The following RERE variants were observed in gnomAD, a reference collection of about 807,000 sequenced individuals.
RERE encodes the protein arginine-glutamic acid dipeptide repeats.
A neutral mutation model predicts 146.1 loss-of-function variants in RERE; 40 were observed. That is an observed-to-expected ratio of 0.27 (90% CI 0.21 to 0.36). The LOEUF (loss-of-function observed/expected upper bound fraction) is 0.36, where lower values mean the gene tolerates loss of function less well. RERE is among the 10% of genes least tolerant of loss of function. RERE has a pLI of 1.00. For missense variants in RERE, 1,933 were observed against 2,138.7 expected (o/e 0.90, Z 1.90); for synonymous variants, 1,003 against 866.0 (o/e 1.16, Z -2.78).
At chr1:8,390,375 G>A (rs933302199) in intron 12 of RERE, among the ~76,000 whole-genome samples, 1 of 152,318 alleles carries the variant, frequency 6.6e-6, no homozygotes, top group African/African-American at 2.4e-5. Flanking sequence ...ATGGTTCAGC[G>A]CCCTGGTAGT....
At position 8,747,449 on chromosome 1, in the gene RERE, A is replaced by C. The variant is rs552893918; in HGVS notation, c.-145+69711T>G. ...CCAGGCCAGAGGTGATGAAGGCTCA[A>C]AGAAAGTTTTGTCCAATTTTTTTTT... On this transcript the variant is annotated intron_variant, in intron 1 of 22. Transcript: ENST00000400908. Among the ~76,000 whole-genome samples the C allele has an allele frequency of 1.1e-3, 162 of 152,270 alleles. 1 individual carries two copies. Among genetic ancestry groups the C allele is most frequent in the African/African-American group, 1.8e-3 (73 of 41,556 alleles).
chr1:8,521,378 A>C (rs1368613463), intron 7 of RERE, among the ~76,000 whole-genome samples: 1 of 152,182 alleles, frequency 6.6e-6, no homozygotes, highest in Non-Finnish European at 1.5e-5. Context: ...ACAGTGGCTC[A>C]TGCCTATAAT....
intron 1 of RERE, among the ~76,000 whole-genome samples, chr1:8,776,658 G>A (rs1230739660): frequency 6.6e-6 from 1 of 152,040 alleles, no homozygotes; most frequent in Non-Finnish European, 1.5e-5. Context: ...TTGTAACTAA[G>A]TTTTCCTCTT....
intron 1 of RERE, among the ~76,000 whole-genome samples, chr1:8,730,609 T>C (rs1201540936): frequency 3.3e-5 from 5 of 152,144 alleles, no homozygotes; most frequent in African/African-American, 9.7e-5. Context: ...TCCCAAAGTG[T>C]TGGGATTACA....
intron 4 of RERE, among the ~76,000 whole-genome samples, chr1:8,596,347 T>C (rs1284617847): frequency 1.3e-5 from 2 of 152,216 alleles, no homozygotes; most frequent in Non-Finnish European, 2.9e-5. Context: ...TCTTAATTCA[T>C]GAGACATAAG....
intron 4 of RERE, among the ~76,000 whole-genome samples, chr1:8,592,173 T>C (rs1400353590): frequency 1.3e-5 from 2 of 152,192 alleles, no homozygotes; most frequent in African/African-American, 4.8e-5. Context: ...TTTAGCAACT[T>C]GTCTTTAAAA....
intron 1 of RERE, among the ~76,000 whole-genome samples, chr1:8,725,862 C>T (rs969726634): frequency 2.6e-5 from 4 of 151,954 alleles, no homozygotes; most frequent in Non-Finnish European, 5.9e-5. Flanking sequence ...TTAATGCAAA[C>T]GTTCTGAAAG....
Position 8,712,775 on chromosome 1 carries a change from A to AT in RERE, c.-144-56335dup, listed in dbSNP as rs766726276. ...CAAGGGCTTTAGAAAAATTCAATGGATTTTTTTTTTTAATGAAAAACAAAA... is the reference window on the plus strand; with the variant it reads ...CAAGGGCTTTAGAAAAATTCAATGGATTTTTTTTTTTTAATGAAAAACAAAA... On this transcript the variant is annotated intron_variant, in intron 1 of 22. Coordinates refer to ENST00000400908, the MANE Select transcript of RERE (RefSeq NM_001042681.2). 9.9e-4 allele frequency among the ~76,000 whole-genome samples: 147 copies of AT among 147,766 alleles called. 1 individual carries two copies. The highest frequency in any genetic ancestry group is 2.1e-3 in the South Asian group (10 of 4,682).
intron 1 of RERE, among the ~76,000 whole-genome samples, chr1:8,779,953 G>T (rs1335906422): frequency 6.6e-6 from 1 of 152,142 alleles, no homozygotes. Flanking sequence ...CGCTTTGGGA[G>T]GTCGAGGCGG....
At chr1:8,705,913 G>A (rs372300662) in intron 1 of RERE, among the ~76,000 whole-genome samples, 1 of 152,022 alleles carries the variant, frequency 6.6e-6, no homozygotes, top group East Asian at 1.9e-4. Context: ...TCAGGAGATC[G>A]AGACCATCCT....
chr1:8,600,047 G>A (rs375223792), intron 4 of RERE, among the ~76,000 whole-genome samples: 4 of 152,236 alleles, frequency 2.6e-5, no homozygotes, highest in South Asian at 2.1e-4. Flanking sequence ...TCACGGCGGC[G>A]GTTTCCCTCA....
At chr1:8,662,712 A>T (rs966737877) in intron 1 of RERE, among the ~76,000 whole-genome samples, 2 of 152,034 alleles carry the variant, frequency 1.3e-5, no homozygotes, top group African/African-American at 4.8e-5. Context: ...AAAACAAAAA[A>T]AGAAAACCAC....
intron 1 of RERE, among the ~76,000 whole-genome samples, chr1:8,662,183 G>A (rs1182076800): frequency 6.6e-6 from 1 of 152,182 alleles, no homozygotes; most frequent in Non-Finnish European, 1.5e-5. Flanking sequence ...TAATCTAGGG[G>A]AAAGAATCAA....
chr1:8,674,457 A>C (rs1341084119), intron 1 of RERE, among the ~76,000 whole-genome samples: 2 of 152,230 alleles, frequency 1.3e-5, no homozygotes, highest in Non-Finnish European at 2.9e-5. Context: ...TAACTGTGAT[A>C]ACACCAAGCA....
At chr1:8,455,820 C>A (rs960078507) in intron 11 of RERE, among the ~76,000 whole-genome samples, 4 of 152,190 alleles carry the variant, frequency 2.6e-5, no homozygotes, top group African/African-American at 9.7e-5. Context: ...CCTAAATGAA[C>A]TTGTCAAACC....
intron 1 of RERE, among the ~76,000 whole-genome samples, chr1:8,751,989 G>T (rs538755146): frequency 6.7e-6 from 1 of 150,168 alleles, no homozygotes; most frequent in African/African-American, 2.4e-5. Context: ...TATAATAATA[G>T]TTAAAACTTA....
intron 8 of RERE, among the ~76,000 whole-genome samples, chr1:8,501,874 C>A (rs1168575919): frequency 1.6e-5 from 2 of 121,786 alleles, no homozygotes; most frequent in Non-Finnish European, 3.5e-5. Flanking sequence ...CCGCCCCGTC[C>A]GGGAGGCAGG....
chr1:8,600,809 C>T (rs1322885124), intron 4 of RERE, among the ~76,000 whole-genome samples: 6 of 140,216 alleles, frequency 4.3e-5, no homozygotes, highest in Admixed American at 1.5e-4. Context: ...GGCTGGAGTG[C>T]AGTGGTGCAA....
At chr1:8,382,855 T>C (rs1642504872) in intron 12 of RERE, among the ~76,000 whole-genome samples, 1 of 151,944 alleles carries the variant, frequency 6.6e-6, no homozygotes, top group South Asian at 2.1e-4. Flanking sequence ...GCTCCCTCCT[T>C]TATAGGGTTG....
Sources: gnomAD v4.1 joint callset for allele counts (sites outside exome capture counted in the v4.1 genomes callset) on GRCh38, gnomAD v4.1.1 for gene constraint, MANE v1.5 for transcripts, NCBI Gene and HGNC (gene_info 2026-07-23, HGNC 2026-07-21) for gene names.